The following RTTN variants were observed in gnomAD, a reference collection of about 807,000 sequenced individuals.
RTTN encodes the protein rotatin.
A neutral mutation model predicts 269.2 loss-of-function variants in RTTN; 182 were observed. The ratio of observed to expected loss-of-function variants is 0.68; its 90% CI spans 0.60 to 0.76. The LOEUF (loss-of-function observed/expected upper bound fraction) is 0.76, where lower values mean the gene tolerates loss of function less well. RTTN is among the 30% of genes least tolerant of loss of function. The pLI, the probability that RTTN is intolerant of heterozygous loss-of-function variation, is 0.00. For missense variants in RTTN, 2,545 were observed against 2,608.6 expected (o/e 0.98, Z 0.53); for synonymous variants, 1,006 against 963.5 (o/e 1.04, Z -0.82).
intron 26 of RTTN, among the ~76,000 whole-genome samples, chr18:70,118,397 A>G (rs1363187763): frequency 6.6e-6 from 1 of 152,068 alleles, no homozygotes; most frequent in Non-Finnish European, 1.5e-5. Flanking sequence ...AATCATGAAG[A>G]AACAGAAAAT....
chr18:70,012,070 G>C (rs1279947082), intron 46 of RTTN, among the ~76,000 whole-genome samples: 1 of 101,422 alleles, frequency 9.9e-6, no homozygotes, highest in Admixed American at 1.1e-4. Context: ...TCTGCTCACT[G>C]GTATTGGTTA....
At chr18:70,205,071 A>C in intron 2 of RTTN, 57 bp downstream of exon 2, 1 of 1,520,946 alleles carries the variant, frequency 6.6e-7, no homozygotes, top group Non-Finnish European at 9.0e-7. Flanking sequence ...CTACAATTAA[A>C]TGACTAAGAA....
chr18:70,190,831 G>T, intron 8 of RTTN, 112 bp from the exon 9 acceptor site: 1 of 646,224 alleles, frequency 1.5e-6, no homozygotes, highest in South Asian at 2.4e-5. Flanking sequence ...CAACTCTACT[G>T]CTTCATTCAA....
In RTTN at chr18:70,203,277, G is replaced by A. The variant is rs547105266; in HGVS notation, c.397+809C>T. On this transcript the variant is annotated intron_variant, in intron 3 of 48. Coordinates refer to ENST00000640769, the MANE Select transcript of RTTN (RefSeq NM_173630.4). ...TGCAATGGAGTGATCTCAGCTCACC[G>A]TTGCAACCTCCGCCCCCCGGGTTCA... Among the ~76,000 whole-genome samples, 10 of 151,554 alleles carry A rather than the reference G, an allele frequency of 6.6e-5. No individual in the cohort carries two copies. The South Asian group carries it at 1.3e-3, about 19-fold the overall frequency.
intron 35 of RTTN, 59 bp downstream of exon 35, chr18:70,065,770 G>T (rs1301916638): frequency 1.7e-6 from 2 of 1,153,976 alleles, no homozygotes; most frequent in South Asian, 1.7e-5. Flanking sequence ...CAAAATATCT[G>T]TCTGGACCAA....
At chr18:70,127,464 C>T (rs2145610646) in intron 25 of RTTN, 38 bp downstream of exon 25, 1 of 1,604,248 alleles carries the variant, frequency 6.2e-7, no homozygotes, top group Non-Finnish European at 8.5e-7. Flanking sequence ...CAATGCAATC[C>T]AGGTCTTTGA....
intron 11 of RTTN, among the ~76,000 whole-genome samples, chr18:70,172,401 T>C (rs905438666): frequency 4.6e-5 from 7 of 152,162 alleles, no homozygotes; most frequent in African/African-American, 1.7e-4. Context: ...TCTACTTCAA[T>C]TATTAGTGGG....
At chr18:70,057,717 C>A (rs745525761) in intron 37 of RTTN, 25 bp downstream of exon 37, 3 of 1,594,954 alleles carry the variant, frequency 1.9e-6, no homozygotes, top group Middle Eastern at 1.7e-4. Context: ...GTAAACAAAC[C>A]CACAAACAGA....
intron 32 of RTTN, among the ~76,000 whole-genome samples, chr18:70,077,114 A>G (rs1400278813): frequency 1.3e-5 from 2 of 151,954 alleles, no homozygotes; most frequent in Non-Finnish European, 2.9e-5. Flanking sequence ...GCTTCACTCC[A>G]TCTAAAAAAT....
chr18:70,058,686 G>T (rs2057890167), intron 36 of RTTN, among the ~76,000 whole-genome samples: 1 of 152,124 alleles, frequency 6.6e-6, no homozygotes. Flanking sequence ...CTCGTAAGAA[G>T]CAAAGAAGAT....
chr18:70,142,314 GCAGC>G lies in RTTN; in HGVS notation c.2551_2554del (p.Ala851LeufsTer4). 6.2e-7 allele frequency: 1 copy of G among 1,604,332 alleles called. No homozygotes were observed. Among genetic ancestry groups the G allele is most frequent in the South Asian group, 1.1e-5 (1 of 90,916 alleles). ...TTGCATAATCACAGCTAACTGTTCAGCAGCTGACTTTCTCAAAACGAGATCAACA... is the reference window on the plus strand; with the variant it reads ...TTGCATAATCACAGCTAACTGTTCAGTGACTTTCTCAAAACGAGATCAACA... On this transcript the variant is annotated frameshift_variant, in exon 19 of 49. Coordinates refer to ENST00000640769, the MANE Select transcript of RTTN (RefSeq NM_173630.4). LOFTEE classifies it high-confidence loss of function.
At chr18:70,096,002 T>G (rs1002565287) in intron 28 of RTTN, among the ~76,000 whole-genome samples, 9 of 152,040 alleles carry the variant, frequency 5.9e-5, no homozygotes, top group African/African-American at 1.7e-4. Flanking sequence ...CCTTTTGTTT[T>G]TTTTTTTTCT....
At position 70,065,869 on chromosome 18, in the gene RTTN, T is replaced by A. The variant is rs143709749; in HGVS notation, c.4707A>T (p.Thr1569=). 39 of 1,601,352 alleles carry A rather than the reference T, an allele frequency of 2.4e-5. No individual in the cohort carries two copies. The African/African-American group carries it at 4.7e-4, about 19-fold the overall frequency. ...TEFQPLVQST[T]LLPEASHDQF... ...GGTCATGGGAGGCTTCAGGTAGAAG[T>A]GTTGTTGACTGCACAAGTGGCTGAA... The change falls in exon 35 of 49, where the codon ACA becomes ACT. Residue 1569 remains threonine (T), a synonymous_variant. Transcript: ENST00000640769.
At chr18:70,194,638 G>A (rs1398563228) in intron 7 of RTTN, 2 of 152,246 alleles carry the variant, frequency 1.3e-5, no homozygotes, top group African/African-American at 2.4e-5. Context: ...AAGGAATGAA[G>A]TTCTGATACA....
chr18:70,202,940 T>C (rs1177008698), intron 3 of RTTN, among the ~76,000 whole-genome samples: 1 of 151,990 alleles, frequency 6.6e-6, no homozygotes, highest in Non-Finnish European at 1.5e-5. Context: ...GAGAAGAAAA[T>C]ATGGTCTAAC....
intron 36 of RTTN, 69 bp from the exon 37 acceptor site, chr18:70,057,901 G>C: frequency 8.9e-7 from 1 of 1,124,624 alleles, no homozygotes; most frequent in Non-Finnish European, 1.3e-6. Flanking sequence ...TAAGAAATCA[G>C]AATTTGAAGT....
In RTTN at chr18:70,190,522, T is replaced by C; in HGVS notation, c.1189+16A>G. ...ACACAAATTATATCAGAATTACGAT[T>C]TCTAAAACAACTAACCTGTTCTTAA... On this transcript the variant is annotated intron_variant, in intron 9 of 48. Transcript: ENST00000640769. The C allele has an allele frequency of 1.3e-6, 2 of 1,577,346 alleles. No homozygotes were observed. Among genetic ancestry groups the C allele is most frequent in the Non-Finnish European group, 1.7e-6 (2 of 1,151,156 alleles).
At chr18:70,179,749 A>G (rs1387743430) in intron 10 of RTTN, among the ~76,000 whole-genome samples, 5 of 152,214 alleles carry the variant, frequency 3.3e-5, no homozygotes, top group African/African-American at 1.2e-4. Flanking sequence ...GCAATATACA[A>G]TGGGTTGTGG....
intron 3 of RTTN, among the ~76,000 whole-genome samples, chr18:70,203,750 C>T (rs1198075331): frequency 2.6e-5 from 4 of 152,082 alleles, no homozygotes; most frequent in Non-Finnish European, 4.4e-5. Flanking sequence ...CGAACAAGGT[C>T]AAAAATACAA....
Sources: allele counts gnomAD v4.1 joint callset (sites outside exome capture counted in the v4.1 genomes callset), GRCh38; gene constraint gnomAD v4.1.1; transcripts MANE v1.5; gene names NCBI Gene and HGNC (gene_info 2026-07-23, HGNC 2026-07-21).